The following FADS2 variants were observed in gnomAD, a reference collection of about 807,000 sequenced individuals.
FADS2 encodes the protein acyl-CoA 6-desaturase.
In FADS2, 18 loss-of-function variants were observed where a neutral mutation model predicts 61.2. The observed-to-expected ratio is 0.29, with a 90% CI of 0.20 to 0.44. The LOEUF is 0.44. Ranked by LOEUF, FADS2 falls within the 20% of genes least tolerant of loss-of-function variation. FADS2 has a pLI of 1.00. For missense variants in FADS2, 322 were observed against 572.7 expected (o/e 0.56, Z 4.47); for synonymous variants, 203 against 223.9 (o/e 0.91, Z 0.83).
intron 10 of FADS2, 194 bp downstream of exon 10, chr11:61,863,980 G>T (rs2067440195): frequency 1.7e-6 from 1 of 572,814 alleles, no homozygotes; most frequent in Non-Finnish European, 3.2e-6. Context: ...TCTCCCTGAG[G>T]GTCATCCTGT....
chr11:61,837,968 C>G, intron 2 of FADS2, 80 bp downstream of exon 2: 1 of 968,170 alleles, frequency 1.0e-6, no homozygotes, highest in Non-Finnish European at 1.6e-6. Flanking sequence ...TCCCCTTGCC[C>G]CATGACCAGT....
intron 2 of FADS2, among the ~76,000 whole-genome samples, chr11:61,839,963 T>C (rs1039490922): frequency 1.3e-5 from 2 of 152,366 alleles, no homozygotes; most frequent in East Asian, 3.9e-4. Flanking sequence ...CTGAGTAATA[T>C]TCCATTGCAT....
Position 61,828,818 on chromosome 11 carries a change from T to C in FADS2, c.207+221T>C. The stretch of plus-strand genomic sequence containing the variant: ...GATCTGGGACCCGGGGAGGCGGCGC[T>C]GCGGTGAAAGTCCCAGCGGTGGAGA... On this transcript the variant is annotated intron_variant, in intron 1 of 11. Coordinates refer to ENST00000278840, the MANE Select transcript of FADS2 (RefSeq NM_004265.4). This position sits in a 1 kb window ranked among gnomAD's most constrained non-coding sequence, Gnocchi z 6.4. The C allele has an allele frequency of 1.8e-6, 1 of 552,608 alleles. No individual in the cohort carries two copies. Among genetic ancestry groups the C allele is most frequent in the Non-Finnish European group, 3.2e-6 (1 of 309,906 alleles). 34.2% of individuals were successfully genotyped at this position (552,608 alleles called of 1,614,324 possible).
chr11:61,821,258 G>A, intron 1 of FADS2: 2 of 596,454 alleles, frequency 3.4e-6, no homozygotes, highest in African/African-American at 1.9e-5. Flanking sequence ...AGTGACTCGT[G>A]CCTATAATCC....
intron 4 of FADS2, chr11:61,847,658 C>T (rs1487451608): frequency 6.2e-6 from 1 of 160,562 alleles, no homozygotes; most frequent in African/African-American, 2.4e-5. Flanking sequence ...TGCTTTTGCT[C>T]TTCTGGTTCT....
At chr11:61,852,155 C>T (rs999130190) in intron 5 of FADS2, among the ~76,000 whole-genome samples, 2 of 152,174 alleles carry the variant, frequency 1.3e-5, no homozygotes, top group African/African-American at 2.4e-5. Context: ...CCCAGGCCAC[C>T]GTCTGGATGA....
At chr11:61,824,507 G>GAAAGA (rs2067065059), upstream of FADS2, among the ~76,000 whole-genome samples, 12 of 104,014 alleles carry the variant, frequency 1.2e-4, 1 homozygote, top group African/African-American at 4.3e-4. Context: ...AGAAAGGAAA[G>GAAAGA]AAAGAAAGAA....
intron 5 of FADS2, among the ~76,000 whole-genome samples, chr11:61,852,411 C>A (rs1316018179): frequency 6.6e-6 from 1 of 152,098 alleles, no homozygotes; most frequent in Non-Finnish European, 1.5e-5. Context: ...CAGGCACCCG[C>A]CACCATGCCC....
At chr11:61,846,251 G>A in intron 4 of FADS2, among the ~76,000 whole-genome samples, 1 of 151,308 alleles carries the variant, frequency 6.6e-6, no homozygotes, top group Admixed American at 6.6e-5. Context: ...TGAGTAGTTG[G>A]GATTACAGGT....
At position 61,828,741 on chromosome 11, in the gene FADS2, G is replaced by C; in HGVS notation, c.207+144G>C. ...GAAGGAAAGTGCATCTATTGCACTC[G>C]TACCCCCTCCCCAATCCTCCTCCTC... On this transcript the variant is annotated intron_variant, in intron 1 of 11. Transcript: ENST00000278840. This position sits in a 1 kb window ranked among gnomAD's most constrained non-coding sequence, Gnocchi z 6.4. 1 of 689,498 alleles carries C rather than the reference G, an allele frequency of 1.5e-6. No individual in the cohort carries two copies. The highest frequency in any genetic ancestry group is 2.8e-5 in the East Asian group (1 of 36,114). The allele number at this position is 689,498 out of a possible 1,614,324, so 42.7% of individuals were successfully genotyped here. A position where few individuals can be genotyped will look rare whatever the true frequency, so the allele number is the denominator to read the frequency against.
chr11:61,832,310 G>A (rs189178274), intron 1 of FADS2, among the ~76,000 whole-genome samples: 156 of 152,316 alleles, frequency 1.0e-3, no homozygotes, highest in African/African-American at 3.6e-3. Flanking sequence ...GGGCAGGAGG[G>A]TTGTAGTATT....
chr11:61,850,239 C>A (rs2067294097), intron 5 of FADS2, among the ~76,000 whole-genome samples: 1 of 151,794 alleles, frequency 6.6e-6, no homozygotes, highest in African/African-American at 2.4e-5. Flanking sequence ...TTCATAATTT[C>A]TTTCTTTTCT....
intron 7 of FADS2, 67 bp downstream of exon 7, chr11:61,857,597 C>A (rs1565336090): frequency 2.9e-6 from 4 of 1,367,484 alleles, no homozygotes; most frequent in South Asian, 1.2e-5. Flanking sequence ...ACCCGGGGGT[C>A]CTACGCTGCC....
chr11:61,859,407 G>C (rs2067393884), intron 7 of FADS2, among the ~76,000 whole-genome samples: 1 of 152,202 alleles, frequency 6.6e-6, no homozygotes, highest in South Asian at 2.1e-4. Flanking sequence ...TTTTCACCCT[G>C]ACTGTGAATT....
chr11:61,828,022 C>A, upstream of FADS2: 1 of 1,128,266 alleles, frequency 8.9e-7, no homozygotes, highest in Non-Finnish European at 1.1e-6. The surrounding 1 kb of genome is among the most constrained non-coding windows in gnomAD (Gnocchi z 6.4). Flanking sequence ...GCGGGGAACG[C>A]GGGAGGATGT....
intron 7 of FADS2, among the ~76,000 whole-genome samples, chr11:61,861,367 A>AAAAAAAAAAAAAAAAAAC (rs1307567736): frequency 6.8e-6 from 1 of 146,934 alleles, no homozygotes; most frequent in African/African-American, 2.5e-5. Context: ...AAAAAAAAAA[A>AAAAAAAAAAAAAAAAAAC]AAAACAGAAA....
At chr11:61,831,087 CTT>C (rs2067124773) in intron 1 of FADS2, among the ~76,000 whole-genome samples, 1 of 151,718 alleles carries the variant, frequency 6.6e-6, no homozygotes, top group African/African-American at 2.4e-5. Context: ...GCTGGGTTCT[CTT>C]TGTTTTGTTT....
At chr11:61,863,192 G>A in intron 8 of FADS2, 90 bp from the exon 9 acceptor site, 2 of 1,423,108 alleles carry the variant, frequency 1.4e-6, no homozygotes, top group Non-Finnish European at 2.0e-6. Flanking sequence ...CCCTTGGCAG[G>A]GGCTGTCCTG....
intron 4 of FADS2, among the ~76,000 whole-genome samples, chr11:61,843,168 G>A (rs552373873): frequency 2.6e-5 from 4 of 152,250 alleles, no homozygotes; most frequent in Admixed American, 6.5e-5. Context: ...AGTGGCTCAC[G>A]CCTATAACCT....
Sources: allele counts gnomAD v4.1 joint callset (sites outside exome capture counted in the v4.1 genomes callset), GRCh38; gene constraint gnomAD v4.1.1; non-coding constraint Gnocchi (gnomAD v3.1); transcripts MANE v1.5; gene names NCBI Gene and HGNC (gene_info 2026-07-23, HGNC 2026-07-21).